Variants in DPYD observed in about 807,000 individuals in gnomAD.
DPYD encodes dihydropyrimidine dehydrogenase, also known as dihydropyrimidine dehydrogenase [NADP(+)].
In DPYD, 109 loss-of-function variants were observed where a neutral mutation model predicts 116.2. The ratio of observed to expected loss-of-function variants is 0.94; its 90% CI spans 0.80 to 1.10. DPYD has a LOEUF of 1.10. Among genes scored for constraint, DPYD ranks in the 50% least tolerant of loss-of-function variants. DPYD has a pLI of 0.00. For synonymous variants in DPYD, 440 were observed against 432.0 expected (o/e 1.02, Z -0.23); for missense variants, 1,302 against 1,254.5 (o/e 1.04, Z -0.57).
intron 13 of DPYD, among the ~76,000 whole-genome samples, chr1:97,513,451 T>C (rs1437902575): frequency 1.3e-5 from 2 of 151,740 alleles, no homozygotes; most frequent in East Asian, 1.9e-4. Context: ...CAAATTGTAC[T>C]TCATCAAAAT....
chr1:97,389,443 C>A (rs12047716), intron 14 of DPYD, among the ~76,000 whole-genome samples: 29,093 of 151,358 alleles, frequency 0.19, 2,929 homozygotes, highest in South Asian at 0.37. Context: ...TAGTAAAAAT[C>A]AAAGGACAAG....
intron 8 of DPYD, among the ~76,000 whole-genome samples, chr1:97,676,771 C>T (rs1283627265): frequency 1.3e-5 from 2 of 152,180 alleles, no homozygotes; most frequent in East Asian, 1.9e-4. Flanking sequence ...GTCAAATAAA[C>T]ATTTCCTAGA....
chr1:97,771,039 T>A (rs776475671), intron 3 of DPYD, among the ~76,000 whole-genome samples: 13 of 152,126 alleles, frequency 8.5e-5, no homozygotes, highest in Non-Finnish European at 1.6e-4. Context: ...AAAAATAGGC[T>A]GGATGCAGTG....
intron 8 of DPYD, among the ~76,000 whole-genome samples, chr1:97,650,676 A>G (rs897620607): frequency 2.0e-5 from 3 of 152,174 alleles, no homozygotes; most frequent in Admixed American, 1.3e-4. Flanking sequence ...AACATCTCAT[A>G]AACCACAAAA....
chr1:97,792,938 C>A (rs951582127), intron 3 of DPYD, among the ~76,000 whole-genome samples: 5 of 152,160 alleles, frequency 3.3e-5, no homozygotes, highest in Admixed American at 2.6e-4. Context: ...AATTTGGTAT[C>A]CTGGATGGAA....
At chr1:97,138,978 A>G (rs75917721) in intron 20 of DPYD, among the ~76,000 whole-genome samples, 1,966 of 152,312 alleles carry the variant, frequency 0.013, 50 homozygotes, top group African/African-American at 0.045. Context: ...TACCTATCAA[A>G]TAAAACACCA....
chr1:97,421,501 A>T (rs1382933399), intron 14 of DPYD, among the ~76,000 whole-genome samples: 1 of 152,012 alleles, frequency 6.6e-6, no homozygotes, highest in Admixed American at 6.5e-5. Context: ...TGGGTGTTTG[A>T]GAAACGTAAG....
intron 10 of DPYD, among the ~76,000 whole-genome samples, chr1:97,581,745 CAA>C (rs1226325704): frequency 0.14 from 8,565 of 63,092 alleles, 225 homozygotes; most frequent in Non-Finnish European, 0.2. Context: ...GATCCTGTCT[CAA>C]AAAAAAAAAA....
intron 13 of DPYD, among the ~76,000 whole-genome samples, chr1:97,494,151 A>G (rs1384802854): frequency 5.9e-5 from 9 of 152,200 alleles, no homozygotes; most frequent in Non-Finnish European, 1.3e-4. Flanking sequence ...ACAGAGGAAA[A>G]TGGACCTGGT....
intron 3 of DPYD, among the ~76,000 whole-genome samples, chr1:97,815,013 G>T (rs1220392664): frequency 6.7e-6 from 1 of 149,512 alleles, no homozygotes; most frequent in Non-Finnish European, 1.5e-5. Context: ...AAGGGAAAAG[G>T]AAAAGGAAAG....
chr1:97,618,027 C>G (rs1478427539), intron 8 of DPYD, among the ~76,000 whole-genome samples: 1 of 152,116 alleles, frequency 6.6e-6, no homozygotes, highest in Non-Finnish European at 1.5e-5. Context: ...ATATAAGAAA[C>G]CAAATGGGCA....
At chr1:97,457,610 A>T (rs1266076467) in intron 13 of DPYD, among the ~76,000 whole-genome samples, 1 of 152,188 alleles carries the variant, frequency 6.6e-6, no homozygotes, top group African/African-American at 2.4e-5. Flanking sequence ...TTGATAAATA[A>T]ATGTTTATTC....
intron 12 of DPYD, among the ~76,000 whole-genome samples, chr1:97,530,979 T>C (rs1269546962): frequency 6.6e-6 from 1 of 151,896 alleles, no homozygotes; most frequent in Non-Finnish European, 1.5e-5. Context: ...AATATTTTGC[T>C]ATTGAATTTT....
chr1:97,609,384 G>C (rs1479859306), intron 8 of DPYD, among the ~76,000 whole-genome samples: 2 of 151,976 alleles, frequency 1.3e-5, no homozygotes, highest in Non-Finnish European at 2.9e-5. Context: ...GAAAAAGAGA[G>C]AGAATCTAAT....
At chr1:97,613,229 T>C (rs1656057785) in intron 8 of DPYD, among the ~76,000 whole-genome samples, 1 of 152,046 alleles carries the variant, frequency 6.6e-6, no homozygotes, top group Non-Finnish European at 1.5e-5. Context: ...TAATTGAATG[T>C]AAAGTCTATT....
intron 14 of DPYD, among the ~76,000 whole-genome samples, chr1:97,423,450 G>C (rs993312427): frequency 6.6e-6 from 1 of 152,090 alleles, no homozygotes; most frequent in Non-Finnish European, 1.5e-5. Flanking sequence ...CTAAAGAAGA[G>C]AGTACAAAAT....
rs538038792 is a variant in DPYD at position 97,140,181 on chromosome 1, G to C, written c.2623-41549C>G. On this transcript the variant is annotated intron_variant, in intron 20 of 22. Coordinates refer to ENST00000370192, the MANE Select transcript of DPYD (RefSeq NM_000110.4). ...TAGCTGTGGAGGGTTAAAGTAAGGAGGCTGGTGTCTGACTACTGCTGAGAA... is the reference window on the plus strand; with the variant it reads ...TAGCTGTGGAGGGTTAAAGTAAGGACGCTGGTGTCTGACTACTGCTGAGAA... 2.3e-3 allele frequency among the ~76,000 whole-genome samples: 349 copies of C among 152,178 alleles called. 1 individual carries two copies. The highest frequency in any genetic ancestry group is 0.015 in the South Asian group (70 of 4,812).
At chr1:97,575,249 C>T (rs929680611) in intron 10 of DPYD, among the ~76,000 whole-genome samples, 3 of 152,098 alleles carry the variant, frequency 2.0e-5, no homozygotes, top group Admixed American at 6.6e-5. Context: ...CTCTATGATG[C>T]ATTTTCAAAG....
intron 3 of DPYD, among the ~76,000 whole-genome samples, chr1:97,784,607 C>G (rs1386367565): frequency 1.3e-5 from 2 of 152,192 alleles, no homozygotes; most frequent in Non-Finnish European, 2.9e-5. Context: ...TTTCCTATTA[C>G]TCCACACAGG....
Sources: allele counts gnomAD v4.1 joint callset (sites outside exome capture counted in the v4.1 genomes callset), GRCh38; gene constraint gnomAD v4.1.1; transcripts MANE v1.5; gene names NCBI Gene and HGNC (gene_info 2026-07-23, HGNC 2026-07-21).